Variants in CCDC192 observed in about 807,000 individuals in gnomAD.
CCDC192 encodes the protein coiled-coil domain containing 192.
At chr5:127,760,258 A>G (rs575618550) in intron 3 of CCDC192, among the ~76,000 whole-genome samples, 1 of 97,566 alleles carries the variant, frequency 1.0e-5, no homozygotes, top group Non-Finnish European at 2.0e-5. Flanking sequence ...AACCATTTTA[A>G]TACAGTGGTT....
intron 2 of CCDC192, among the ~76,000 whole-genome samples, chr5:127,749,539 A>G (rs1220164865): frequency 6.6e-6 from 1 of 151,888 alleles, no homozygotes; most frequent in Non-Finnish European, 1.5e-5. Flanking sequence ...GGATTTTTGC[A>G]TCAATGTTCA....
At chr5:127,811,777 A>G (rs1758095951) in intron 5 of CCDC192, among the ~76,000 whole-genome samples, 2 of 152,082 alleles carry the variant, frequency 1.3e-5, no homozygotes, top group South Asian at 4.1e-4. Context: ...AATAATCATG[A>G]TACGTGATAG....
At chr5:127,702,230 C>CT (rs1750737022), upstream of CCDC192, among the ~76,000 whole-genome samples, 1 of 151,968 alleles carries the variant, frequency 6.6e-6, no homozygotes, top group Admixed American at 6.6e-5. Flanking sequence ...GTAGCTGGGA[C>CT]TACAGGCGCC....
intron 3 of CCDC192, among the ~76,000 whole-genome samples, chr5:127,756,756 A>G (rs920286375): frequency 2.0e-5 from 3 of 152,242 alleles, no homozygotes; most frequent in Admixed American, 6.5e-5. Context: ...GCTGTTATCA[A>G]TTTTGTTTCA....
chr5:127,939,861 A>G (rs555234622), intron 6 of CCDC192, among the ~76,000 whole-genome samples: 3 of 152,302 alleles, frequency 2.0e-5, no homozygotes, highest in Non-Finnish European at 4.4e-5. Flanking sequence ...TGGGACCTCA[A>G]TTGTAACAAT....
intron 2 of CCDC192, chr5:127,739,393 G>A (rs1753255904): frequency 6.6e-6 from 1 of 152,188 alleles, no homozygotes; most frequent in Non-Finnish European, 1.5e-5. Flanking sequence ...GTTTGTCTGT[G>A]CCCTGCCCCC....
At chr5:127,748,825 TC>T (rs1753944541) in intron 2 of CCDC192, among the ~76,000 whole-genome samples, 1 of 148,620 alleles carries the variant, frequency 6.7e-6, no homozygotes, top group Non-Finnish European at 1.5e-5. Context: ...GTCCTTCACA[TC>T]CCTTGTAAGT....
rs570677400 is a variant in CCDC192 at position 127,755,472 on chromosome 5, T to G, written c.222+1097T>G. Reference sequence around the variant, plus strand: ...TTATTGTTTACTGACTAAATGCGATTGATGCAAGCGGTCACAGGGGGCTTG... The same window carrying G: ...TTATTGTTTACTGACTAAATGCGATGGATGCAAGCGGTCACAGGGGGCTTG... On this transcript the variant is annotated intron_variant, in intron 3 of 6. Transcript: ENST00000514853. Among the ~76,000 whole-genome samples the G allele has an allele frequency of 1.1e-4, 16 of 152,292 alleles. No homozygotes were observed. In the East Asian group the frequency reaches 2.9e-3, roughly 28 times the overall value.
At chr5:127,878,471 T>C (rs2544780) in intron 6 of CCDC192, among the ~76,000 whole-genome samples, 111,354 of 152,082 alleles carry the variant, frequency 0.73, 41,508 homozygotes, top group African/African-American at 0.89. Context: ...GAATATCTCA[T>C]TACTGGAAAG....
At chr5:127,786,650 C>T (rs1756556978) in intron 3 of CCDC192, 1 of 760,756 alleles carries the variant, frequency 1.3e-6, no homozygotes, top group Non-Finnish European at 2.5e-6. Flanking sequence ...AAATTCCATT[C>T]AGCACTTTGC....
intron 3 of CCDC192, among the ~76,000 whole-genome samples, chr5:127,792,407 G>T (rs1007293097): frequency 6.6e-6 from 1 of 151,956 alleles, no homozygotes; most frequent in African/African-American, 2.4e-5. Flanking sequence ...CAGTGTAGGG[G>T]TAACCATCCC....
chr5:127,937,120 T>C (rs1048819901), intron 6 of CCDC192, among the ~76,000 whole-genome samples: 3 of 152,246 alleles, frequency 2.0e-5, no homozygotes, highest in Non-Finnish European at 4.4e-5. Flanking sequence ...GTGTTTTATA[T>C]GTGTAAAGAG....
intron 5 of CCDC192, among the ~76,000 whole-genome samples, chr5:127,830,763 G>GA (rs59551951): frequency 0.05 from 6,186 of 122,942 alleles, 175 homozygotes; most frequent in African/African-American, 0.11. Flanking sequence ...AGGTTTTTGA[G>GA]AAAAAAAAAA....
intron 5 of CCDC192, among the ~76,000 whole-genome samples, chr5:127,807,039 TC>T (rs1235159300): frequency 6.6e-6 from 1 of 152,214 alleles, no homozygotes; most frequent in Non-Finnish European, 1.5e-5. Context: ...CTACTTCTGT[TC>T]CTTCTGTCAG....
intron 3 of CCDC192, among the ~76,000 whole-genome samples, chr5:127,780,884 A>G (rs1288649731): frequency 6.6e-6 from 1 of 152,212 alleles, no homozygotes; most frequent in Non-Finnish European, 1.5e-5. Flanking sequence ...GTTCTTGGTC[A>G]TGAAATCCTT....
At chr5:127,918,221 A>T (rs952624318) in intron 6 of CCDC192, among the ~76,000 whole-genome samples, 61 of 151,570 alleles carry the variant, frequency 4.0e-4, no homozygotes, top group African/African-American at 1.5e-3. Flanking sequence ...ATTTGTAAAA[A>T]AAAAAAAAAA....
chr5:127,862,936 A>C (rs1442725447), intron 5 of CCDC192, among the ~76,000 whole-genome samples: 3 of 151,688 alleles, frequency 2.0e-5, no homozygotes, highest in Admixed American at 6.6e-5. Context: ...TTTAAAAAAA[A>C]AAAAAAAAAA....
At chr5:127,795,641 C>A (rs763307766) in intron 3 of CCDC192, among the ~76,000 whole-genome samples, 2 of 151,794 alleles carry the variant, frequency 1.3e-5, no homozygotes, top group Non-Finnish European at 2.9e-5. Flanking sequence ...AGTGCAATGG[C>A]GCGATTTTGG....
intron 5 of CCDC192, among the ~76,000 whole-genome samples, chr5:127,872,159 G>GA (rs1036585607): frequency 1.3e-5 from 2 of 150,012 alleles, no homozygotes; most frequent in Non-Finnish European, 1.5e-5. Context: ...CTGGAGAAAA[G>GA]AAAAAAAAAG....
Sources: gnomAD v4.1 joint callset for allele counts (sites outside exome capture counted in the v4.1 genomes callset) on GRCh38, gnomAD v4.1.1 for gene constraint, MANE v1.5 for transcripts, NCBI Gene and HGNC (gene_info 2026-07-23, HGNC 2026-07-21) for gene names.